Variants in PRKG1 observed in about 807,000 individuals in gnomAD.
The protein encoded by PRKG1 is protein kinase cGMP-dependent 1, also known as cGMP-dependent protein kinase 1.
In PRKG1, 35 loss-of-function variants were observed where a neutral mutation model predicts 88.1. That is an observed-to-expected ratio of 0.40 (90% CI 0.30 to 0.53). The LOEUF (loss-of-function observed/expected upper bound fraction) is 0.53. PRKG1 is among the 20% of genes least tolerant of loss of function. The pLI is 0.59. For missense variants in PRKG1, 540 were observed against 839.8 expected, an observed-to-expected ratio of 0.64 and a Z score of 4.41; for synonymous variants, 303 against 292.5, an observed-to-expected ratio of 1.04 and a Z score of -0.37.
At chr10:51,984,650 G>T (rs1280414071) in intron 5 of PRKG1, among the ~76,000 whole-genome samples, 1 of 151,962 alleles carries the variant, frequency 6.6e-6, no homozygotes, top group East Asian at 1.9e-4. Flanking sequence ...ATATACTTTA[G>T]GTATCTCTGA....
intron 7 of PRKG1, among the ~76,000 whole-genome samples, chr10:52,124,533 G>A (rs1847888527): frequency 6.6e-6 from 1 of 152,178 alleles, no homozygotes; most frequent in South Asian, 2.1e-4. Context: ...ATGAGTGAGT[G>A]ATGAGTGAAT....
At chr10:52,113,244 C>T (rs1384408928) in intron 7 of PRKG1, among the ~76,000 whole-genome samples, 2 of 152,120 alleles carry the variant, frequency 1.3e-5, no homozygotes. Context: ...TGTTGCTAAT[C>T]TCTAACATTG....
chr10:52,211,690 C>A (rs1839975951), intron 9 of PRKG1, among the ~76,000 whole-genome samples: 1 of 131,598 alleles, frequency 7.6e-6, no homozygotes, highest in African/African-American at 2.9e-5. Context: ...ACACAAATAC[C>A]TATCCTGGTA....
At chr10:51,500,611 G>A (rs1371192412) in intron 3 of PRKG1, among the ~76,000 whole-genome samples, 2 of 152,106 alleles carry the variant, frequency 1.3e-5, no homozygotes, top group Admixed American at 1.3e-4. Flanking sequence ...ATAGAGCCTG[G>A]TTATCTTTCA....
chr10:51,237,125 A>G (rs949248123), intron 2 of PRKG1, among the ~76,000 whole-genome samples: 69 of 152,242 alleles, frequency 4.5e-4, no homozygotes, highest in African/African-American at 1.5e-3. Context: ...GGCAGTGGAC[A>G]TTGAATATTT....
chr10:51,389,205 T>C (rs1341695822), intron 2 of PRKG1, among the ~76,000 whole-genome samples: 1 of 152,188 alleles, frequency 6.6e-6, no homozygotes, highest in African/African-American at 2.4e-5. Context: ...TTTTCCTCTT[T>C]CTTATGACCA....
chr10:52,148,708 C>T (rs1837804512), intron 8 of PRKG1, among the ~76,000 whole-genome samples: 1 of 152,056 alleles, frequency 6.6e-6, no homozygotes, highest in East Asian at 1.9e-4. Flanking sequence ...ATGACTGCAA[C>T]CAGGGAAGAA....
intron 3 of PRKG1, among the ~76,000 whole-genome samples, chr10:51,758,457 A>G (rs1366437341): frequency 2.0e-5 from 3 of 152,226 alleles, no homozygotes; most frequent in Non-Finnish European, 4.4e-5. Context: ...CCAACAGTCT[A>G]AGATGGGATT....
intron 2 of PRKG1, among the ~76,000 whole-genome samples, chr10:51,241,367 G>A (rs72793270): frequency 0.012 from 1,756 of 151,420 alleles, 16 homozygotes; most frequent in Non-Finnish European, 0.017. Context: ...GGGAATCATC[G>A]AATTATCAGA....
chr10:52,251,427 T>C (rs1479846477), intron 9 of PRKG1, 143 bp from the exon 10 acceptor site: 1 of 642,642 alleles, frequency 1.6e-6, no homozygotes, highest in East Asian at 2.8e-5. Flanking sequence ...ATTATGAGTG[T>C]GAGAAAACAC....
chr10:52,065,434 T>C (rs1329811686), intron 7 of PRKG1, among the ~76,000 whole-genome samples: 1 of 152,166 alleles, frequency 6.6e-6, no homozygotes, highest in African/African-American at 2.4e-5. Context: ...ATTATGAGCC[T>C]TTTTCTTCAA....
chr10:51,183,301 G>C (rs1253723894), intron 2 of PRKG1, among the ~76,000 whole-genome samples: 1 of 152,202 alleles, frequency 6.6e-6, no homozygotes, highest in Non-Finnish European at 1.5e-5. Flanking sequence ...TCATTACCGA[G>C]TGAAGTGAAT....
At chr10:52,034,769 G>C (rs1389777363) in intron 5 of PRKG1, among the ~76,000 whole-genome samples, 1 of 152,066 alleles carries the variant, frequency 6.6e-6, no homozygotes, top group South Asian at 2.1e-4. Context: ...GAAGATAGTA[G>C]GGATGACAAG....
At chr10:51,524,627 C>T (rs1209678214) in intron 3 of PRKG1, among the ~76,000 whole-genome samples, 2 of 152,142 alleles carry the variant, frequency 1.3e-5, no homozygotes, top group East Asian at 3.8e-4. Context: ...TGTCCCACGG[C>T]CATGTTTTGC....
intron 3 of PRKG1, among the ~76,000 whole-genome samples, chr10:51,620,254 G>A (rs10998517): frequency 6.6e-6 from 1 of 151,872 alleles, no homozygotes; most frequent in African/African-American, 2.4e-5. Flanking sequence ...AAAAATAACC[G>A]AAGGATTTCC....
At chr10:51,837,408 G>A (rs1840159476) in intron 4 of PRKG1, among the ~76,000 whole-genome samples, 1 of 152,094 alleles carries the variant, frequency 6.6e-6, no homozygotes, top group Non-Finnish European at 1.5e-5. Flanking sequence ...GATACTTTAT[G>A]TTCTGAAACT....
At chr10:51,503,480 T>C (rs998112541) in intron 3 of PRKG1, among the ~76,000 whole-genome samples, 1 of 152,180 alleles carries the variant, frequency 6.6e-6, no homozygotes, top group Non-Finnish European at 1.5e-5. Context: ...CTGTCATCCC[T>C]GTCTTATTGC....
intron 5 of PRKG1, among the ~76,000 whole-genome samples, chr10:52,037,871 A>G (rs112786903): frequency 8.6e-5 from 13 of 150,698 alleles, no homozygotes; most frequent in Admixed American, 2.0e-4. Flanking sequence ...AAGATTAGAA[A>G]GACTCAGCGA....
At chr10:51,040,143 T>C (rs1229418639) in intron 1 of PRKG1, among the ~76,000 whole-genome samples, 2 of 151,882 alleles carry the variant, frequency 1.3e-5, no homozygotes, top group Admixed American at 6.6e-5. Context: ...AGGGATTGCA[T>C]TGAATCCATA....
Sources: gnomAD v4.1 joint callset for allele counts (sites outside exome capture counted in the v4.1 genomes callset) on GRCh38, gnomAD v4.1.1 for gene constraint, MANE v1.5 for transcripts, NCBI Gene and HGNC (gene_info 2026-07-23, HGNC 2026-07-21) for gene names.